The following DAZAP1 variants were observed in gnomAD, a reference collection of about 807,000 sequenced individuals.
The protein encoded by DAZAP1 is DAZ associated protein 1.
DAZAP1 carries 6 observed loss-of-function variants against 60.1 expected under a neutral mutation model. That is an observed-to-expected ratio of 0.10 (90% CI 0.05 to 0.20). The LOEUF (loss-of-function observed/expected upper bound fraction) is 0.20, where lower values mean the gene tolerates loss of function less well. Among genes scored for constraint, DAZAP1 ranks in the 10% least tolerant of loss-of-function variants. DAZAP1 has a pLI of 1.00. For missense variants in DAZAP1, 366 were observed against 560.4 expected, an observed-to-expected ratio of 0.65 and a Z score of 3.50; for synonymous variants, 235 against 215.9, an observed-to-expected ratio of 1.09 and a Z score of -0.78.
intron 1 of DAZAP1, among the ~76,000 whole-genome samples, chr19:1,414,774 T>G (rs998112604): frequency 2.6e-5 from 4 of 152,082 alleles, no homozygotes; most frequent in Non-Finnish European, 4.4e-5. Flanking sequence ...TTTTTAAAAT[T>G]GTATTTGAGT....
chr19:1,425,201 A>C lies in DAZAP1; in HGVS notation c.464-677A>C, dbSNP rs1243416459. ...AGATGTCTACGATATGACCTCTTCT[A>C]GGACTCCTTGGGCTTACCCAACGGT... On this transcript the variant is annotated intron_variant, in intron 6 of 11. Transcript: ENST00000233078. This position sits in a 1 kb window ranked among gnomAD's most constrained non-coding sequence, Gnocchi z 5.4. 6.6e-6 allele frequency among the ~76,000 whole-genome samples: 1 copy of C among 152,180 alleles called. No individual in the cohort carries two copies. The highest frequency in any genetic ancestry group is 1.5e-5 in the Non-Finnish European group (1 of 68,028).
chr19:1,429,568 C>G (rs1433191078), intron 8 of DAZAP1, among the ~76,000 whole-genome samples: 1 of 152,176 alleles, frequency 6.6e-6, no homozygotes, highest in Non-Finnish European at 1.5e-5. Context: ...ACTGTGGCTT[C>G]CCTGCACCTC....
intron 4 of DAZAP1, 45 bp from the exon 5 acceptor site, chr19:1,421,103 T>TGGAGGGTTC: frequency 6.3e-7 from 1 of 1,587,814 alleles, no homozygotes; most frequent in Middle Eastern, 1.7e-4. Context: ...CGGGAGGGTT[T>TGGAGGGTTC]GGAGGGTTCC....
Position 1,418,859 on chromosome 19 carries a change from C to T in DAZAP1, c.303+128C>T, listed in dbSNP as rs910942750. 8 of 918,686 alleles carry T rather than the reference C, an allele frequency of 8.7e-6. No individual in the cohort carries two copies. The highest frequency in any genetic ancestry group is 1.7e-5 in the South Asian group (1 of 59,280). The allele number at this position is 918,686 out of a possible 1,614,324, so 56.9% of individuals were successfully genotyped here. ...GACGCAGGTCTTCTGGGTTGGCACT[C>T]GAGCAGCTGAGGATCACCCAGATTT... On this transcript the variant is annotated intron_variant, in intron 4 of 11. Transcript: ENST00000233078. The surrounding 1 kb of genome is among the most constrained non-coding windows in gnomAD (Gnocchi z 5.7).
In DAZAP1 at chr19:1,422,492, A is replaced by T; in HGVS notation, c.463+96A>T. On this transcript the variant is annotated intron_variant, in intron 6 of 11. Coordinates refer to ENST00000233078, the MANE Select transcript of DAZAP1 (RefSeq NM_018959.4). The surrounding 1 kb of genome is among the most constrained non-coding windows in gnomAD (Gnocchi z 4.5). ...CCAGGCACACACAGGTGGCGGCTGTAGCAAACAGCCTCAGGAAGGGACGAT... is the reference window on the plus strand; with the variant it reads ...CCAGGCACACACAGGTGGCGGCTGTTGCAAACAGCCTCAGGAAGGGACGAT... 1 of 1,193,828 alleles carries T rather than the reference A, an allele frequency of 8.4e-7. No individual in the cohort carries two copies. The highest frequency in any genetic ancestry group is 1.2e-6 in the Non-Finnish European group (1 of 813,186). 74.0% of individuals were successfully genotyped at this position (1,193,828 alleles called of 1,614,324 possible).
rs551445557 is a variant in DAZAP1 at position 1,429,383 on chromosome 19, G to C, written c.700+388G>C. Among the ~76,000 whole-genome samples, 10 of 152,364 alleles carry C rather than the reference G, an allele frequency of 6.6e-5. No individual in the cohort carries two copies. The South Asian group carries it at 2.1e-3, about 32-fold the overall frequency. On this transcript the variant is annotated intron_variant, in intron 8 of 11. Coordinates refer to ENST00000233078, the MANE Select transcript of DAZAP1 (RefSeq NM_018959.4). ...CCTGGGGGGCTTGAGGAGCCGGCAG[G>C]CTTTGGATCCTTGCCACCTGCCGTT...
chr19:1,429,365 G>A (rs1042000359), intron 8 of DAZAP1, among the ~76,000 whole-genome samples: 1 of 152,246 alleles, frequency 6.6e-6, no homozygotes, highest in African/African-American at 2.4e-5. Context: ...GCCCCTGGGG[G>A]GCTTGAGGAG....
Position 1,418,158 on chromosome 19 carries a change from T to A in DAZAP1, c.71-46T>A, listed in dbSNP as rs377637957. On this transcript the variant is annotated intron_variant, in intron 2 of 11. Coordinates refer to ENST00000233078, the MANE Select transcript of DAZAP1 (RefSeq NM_018959.4). This position sits in a 1 kb window ranked among gnomAD's most constrained non-coding sequence, Gnocchi z 5.7. ...GCAGCACTGCCAGGCACGTGCCTAA[T>A]GCTCTGGCCCTGTGTGTTTGTGTTT... 6.2e-7 allele frequency: 1 copy of A among 1,605,478 alleles called. No individual in the cohort carries two copies. The highest frequency in any genetic ancestry group is 1.3e-5 in the African/African-American group (1 of 74,746).
chr19:1,413,394 G>T (rs950743105), intron 1 of DAZAP1, among the ~76,000 whole-genome samples: 4 of 152,270 alleles, frequency 2.6e-5, no homozygotes, highest in Admixed American at 6.5e-5. Context: ...ACCTGGTGAG[G>T]TTGGCAGCCA....
In DAZAP1 at chr19:1,430,230, G is replaced by A; in HGVS notation, c.739G>A (p.Gly247Arg). The A allele has an allele frequency of 6.3e-7, 1 of 1,583,092 alleles. No individual in the cohort carries two copies. Residue 247 changes from glycine to arginine, a missense_variant, in exon 10 of 12, where the codon GGA becomes AGA. Coordinates refer to ENST00000233078, the MANE Select transcript of DAZAP1 (RefSeq NM_018959.4). ...CGTACTGTGTGTTTCAGGTGGCTAT[G>A]GACCGCCCCCTGCAGGAAGAGGAGC... is the stretch of plus-strand genomic sequence containing the variant. ...VPAGQAIGGY[G>R]PPPAGRGAPP...
intron 8 of DAZAP1, among the ~76,000 whole-genome samples, 154 bp from the exon 9 acceptor site, chr19:1,429,813 G>C (rs1251133816): frequency 6.6e-6 from 1 of 152,194 alleles, no homozygotes; most frequent in Admixed American, 6.5e-5. Flanking sequence ...TCTGCTCAGG[G>C]TTCAGAGGGC....
intron 1 of DAZAP1, among the ~76,000 whole-genome samples, chr19:1,413,815 GA>G (rs1186612898): frequency 1.3e-5 from 2 of 152,350 alleles, no homozygotes; most frequent in African/African-American, 4.8e-5. Flanking sequence ...AAAAGAAACT[GA>G]AATTCTGTCT....
chr19:1,431,280 C>G (rs1464159685), intron 10 of DAZAP1, among the ~76,000 whole-genome samples: 5 of 151,500 alleles, frequency 3.3e-5, no homozygotes, highest in African/African-American at 1.2e-4. Context: ...AGGCGCCCAC[C>G]ACCACGCCTG....
Position 1,411,443 on chromosome 19 carries a change from T to C in DAZAP1, c.29+3641T>C, listed in dbSNP as rs896169628. Among the ~76,000 whole-genome samples, 12 of 152,326 alleles carry C rather than the reference T, an allele frequency of 7.9e-5. No individual in the cohort carries two copies. The South Asian group carries it at 2.3e-3, about 29-fold the overall frequency. On this transcript the variant is annotated intron_variant, in intron 1 of 11. Transcript: ENST00000233078. ...TCTGTGCTTTTGGCCTGGTTGCCCC[T>C]GCGCTGGGGGCCGCTGCTCCTTGTG...
Position 1,418,379 on chromosome 19 carries a change from C to T in DAZAP1, c.237+9C>T. 3 of 1,610,388 alleles carry T rather than the reference C, an allele frequency of 1.9e-6. No individual in the cohort carries two copies. Among genetic ancestry groups the T allele is most frequent in the Non-Finnish European group, 2.5e-6 (3 of 1,177,330 alleles). ...CGCTAGATGGCCGAAACGTAAGTGC[C>T]CTTCCGGGAGCTCACACCCGCTCTC... On this transcript the variant is annotated intron_variant, in intron 3 of 11. Transcript: ENST00000233078. The surrounding 1 kb of genome is among the most constrained non-coding windows in gnomAD (Gnocchi z 5.7).
In DAZAP1 at chr19:1,435,011, TG is replaced by T. The variant is rs753438395; in HGVS notation, c.*110del. 1,901 of 18,232 alleles carry T rather than the reference TG, an allele frequency of 0.1. 18 individuals are homozygous for T. The highest frequency in any genetic ancestry group is 0.24 in the African/African-American group (1,317 of 5,558). 1.1% of individuals were successfully genotyped at this position (18,232 alleles called of 1,614,324 possible). A position where few individuals can be genotyped will look rare whatever the true frequency, so the allele number is the denominator to read the frequency against. On this transcript the variant is annotated 3_prime_UTR_variant, in exon 12 of 12. Transcript: ENST00000233078. ...TGGCGGCAAAGTGGCGACTCAACCT[TG>T]GGGGGGGGGGCGGGGGGAGGGCGCG...
intron 2 of DAZAP1, 90 bp downstream of exon 2, chr19:1,417,630 C>G: frequency 8.1e-7 from 1 of 1,234,828 alleles, no homozygotes; most frequent in Non-Finnish European, 1.1e-6. Context: ...TTGCTACTGT[C>G]TTGGATATTT....
Position 1,422,040 on chromosome 19 carries a change from T to A in DAZAP1, c.415-308T>A, listed in dbSNP as rs2083171712. On this transcript the variant is annotated intron_variant, in intron 5 of 11. Transcript: ENST00000233078. The surrounding 1 kb of genome is among the most constrained non-coding windows in gnomAD (Gnocchi z 4.5). ...CCACGTCCCCTGCTAGGATGCGTGG[T>A]CGGCGTTGTTGGCCCTTCATGTCCG... 1.3e-5 allele frequency among the ~76,000 whole-genome samples: 2 copies of A among 152,142 alleles called. No homozygotes were observed. The highest frequency in any genetic ancestry group is 1.3e-4 in the Admixed American group (2 of 15,282).
intron 4 of DAZAP1, 63 bp from the exon 5 acceptor site, chr19:1,421,085 G>A (rs959212871): frequency 8.1e-6 from 12 of 1,486,312 alleles, no homozygotes; most frequent in African/African-American, 5.5e-5. Flanking sequence ...TATGTCCTCC[G>A]CAGCTCGCGG....
Sources: allele counts gnomAD v4.1 joint callset (sites outside exome capture counted in the v4.1 genomes callset), GRCh38; gene constraint gnomAD v4.1.1; non-coding constraint Gnocchi (gnomAD v3.1); transcripts MANE v1.5; gene names NCBI Gene and HGNC (gene_info 2026-07-23, HGNC 2026-07-21).